The following NUBPL variants were observed in gnomAD, a reference collection of about 807,000 sequenced individuals.
The protein encoded by NUBPL is NUBP iron-sulfur cluster assembly factor, mitochondrial, also known as iron-sulfur cluster transfer protein NUBPL.
NUBPL carries 31 observed loss-of-function variants against 45.7 expected under a neutral mutation model. That is an observed-to-expected ratio of 0.68 (90% CI 0.51 to 0.92). NUBPL has a LOEUF of 0.92. Ranked by LOEUF, NUBPL falls within the 40% of genes least tolerant of loss-of-function variation. The pLI is 0.00. For missense variants in NUBPL, 401 were observed against 398.7 expected (o/e 1.01, Z -0.05); for synonymous variants, 144 against 140.9 (o/e 1.02, Z -0.15).
chr14:31,703,878 TG>T (rs1333130377), intron 6 of NUBPL, among the ~76,000 whole-genome samples: 2 of 152,162 alleles, frequency 1.3e-5, no homozygotes, highest in African/African-American at 4.8e-5. Flanking sequence ...TTAACAGCTG[TG>T]GATCAACAGG....
intron 6 of NUBPL, chr14:31,714,934 T>C (rs1212123395): frequency 6.6e-6 from 1 of 152,246 alleles, no homozygotes; most frequent in Non-Finnish European, 1.5e-5. Flanking sequence ...TAAGTAACAC[T>C]GCCTTGACTC....
chr14:31,798,371 C>A (rs1368998163), intron 7 of NUBPL, among the ~76,000 whole-genome samples: 1 of 121,186 alleles, frequency 8.3e-6, no homozygotes, highest in Non-Finnish European at 1.7e-5. Context: ...TTTTAGTATT[C>A]CCTTTGTTTT....
At chr14:31,838,679 A>G (rs950275419) in intron 8 of NUBPL, among the ~76,000 whole-genome samples, 11 of 152,214 alleles carry the variant, frequency 7.2e-5, no homozygotes, top group African/African-American at 2.4e-4. Flanking sequence ...TTTTGCCTAA[A>G]CTTAAGTACT....
intron 8 of NUBPL, among the ~76,000 whole-genome samples, chr14:31,833,214 A>T (rs2040220875): frequency 6.6e-6 from 1 of 151,998 alleles, no homozygotes; most frequent in South Asian, 2.1e-4. Flanking sequence ...TTAAAAGAAT[A>T]AAAAATTAGC....
chr14:31,698,140 T>A (rs189364130), intron 6 of NUBPL, among the ~76,000 whole-genome samples: 165 of 152,348 alleles, frequency 1.1e-3, no homozygotes, highest in African/African-American at 3.8e-3. Flanking sequence ...GAGTATTTTA[T>A]AATCAGTAAC....
At chr14:31,680,256 C>A (rs1352253917) in intron 6 of NUBPL, among the ~76,000 whole-genome samples, 1 of 152,016 alleles carries the variant, frequency 6.6e-6, no homozygotes, top group Non-Finnish European at 1.5e-5. Context: ...TTACTTACTG[C>A]CAGTATAATG....
At chr14:31,563,099 T>C (rs1008303907) in intron 2 of NUBPL, among the ~76,000 whole-genome samples, 1 of 152,172 alleles carries the variant, frequency 6.6e-6, no homozygotes, top group African/African-American at 2.4e-5. Context: ...CTCCTGCACA[T>C]TTTTCCTTTC....
chr14:31,813,143 C>T (rs950255235), intron 7 of NUBPL, among the ~76,000 whole-genome samples: 11 of 152,066 alleles, frequency 7.2e-5, no homozygotes, highest in African/African-American at 1.9e-4. Flanking sequence ...CTTGCCACCA[C>T]GCCTGGCTAA....
At chr14:31,685,418 T>C (rs1354170277) in intron 6 of NUBPL, among the ~76,000 whole-genome samples, 2 of 152,108 alleles carry the variant, frequency 1.3e-5, no homozygotes, top group Non-Finnish European at 2.9e-5. Context: ...TATTCTAAAA[T>C]AGGCCATTCA....
At chr14:31,687,100 G>T (rs1378117184) in intron 6 of NUBPL, among the ~76,000 whole-genome samples, 1 of 152,108 alleles carries the variant, frequency 6.6e-6, no homozygotes, top group Non-Finnish European at 1.5e-5. Context: ...GCAACAGAGT[G>T]AGACCCTGTT....
intron 4 of NUBPL, among the ~76,000 whole-genome samples, chr14:31,636,896 C>T (rs955893994): frequency 2.6e-5 from 4 of 152,038 alleles, no homozygotes; most frequent in Non-Finnish European, 4.4e-5. Flanking sequence ...TTGTAGTATT[C>T]TCTGATGGTA....
intron 10 of NUBPL, among the ~76,000 whole-genome samples, chr14:31,850,408 C>T (rs1195426660): frequency 6.6e-6 from 1 of 152,060 alleles, no homozygotes; most frequent in Non-Finnish European, 1.5e-5. Context: ...AACAAGTTTA[C>T]CTACAGAGAA....
chr14:31,562,009 A>G (rs2033295820), intron 1 of NUBPL, 59 bp from the exon 2 acceptor site: 2 of 1,523,062 alleles, frequency 1.3e-6, no homozygotes, highest in Admixed American at 2.0e-5. Context: ...TTGCTTTTAC[A>G]GTGTGATGAT....
intron 6 of NUBPL, among the ~76,000 whole-genome samples, chr14:31,761,614 A>G (rs1029327705): frequency 2.0e-5 from 3 of 152,150 alleles, no homozygotes; most frequent in African/African-American, 7.2e-5. Flanking sequence ...AAGTGATAGT[A>G]GTCATATAGT....
chr14:31,759,364 G>T (rs1595592342), intron 6 of NUBPL, among the ~76,000 whole-genome samples: 1 of 151,842 alleles, frequency 6.6e-6, no homozygotes, highest in South Asian at 2.1e-4. Context: ...TTACATATAT[G>T]CCGCATATAG....
At chr14:31,700,138 A>G (rs1429302515) in intron 6 of NUBPL, among the ~76,000 whole-genome samples, 1 of 152,244 alleles carries the variant, frequency 6.6e-6, no homozygotes, top group Non-Finnish European at 1.5e-5. Flanking sequence ...TTTGGGCTTA[A>G]TTACATTTCA....
intron 6 of NUBPL, among the ~76,000 whole-genome samples, chr14:31,749,654 A>G (rs946814379): frequency 2.0e-5 from 3 of 150,996 alleles, no homozygotes; most frequent in African/African-American, 7.3e-5. Flanking sequence ...CGTTTTTGAT[A>G]TTTTGATTGT....
At chr14:31,715,681 A>C (rs749996518) in intron 6 of NUBPL, among the ~76,000 whole-genome samples, 1 of 152,242 alleles carries the variant, frequency 6.6e-6, no homozygotes, top group Non-Finnish European at 1.5e-5. Flanking sequence ...TGGAGCTTGC[A>C]GGACTGAAAG....
At chr14:31,846,342 T>C in intron 8 of NUBPL, 129 bp from the exon 9 acceptor site, 2 of 756,108 alleles carry the variant, frequency 2.6e-6, no homozygotes, top group Admixed American at 4.1e-5. Context: ...GAGGCCATAG[T>C]TTATTCATCA....
Sources: allele counts gnomAD v4.1 joint callset (sites outside exome capture counted in the v4.1 genomes callset), GRCh38; gene constraint gnomAD v4.1.1; transcripts MANE v1.5; gene names NCBI Gene and HGNC (gene_info 2026-07-23, HGNC 2026-07-21).